Variants in SEMA3A observed in about 807,000 individuals in gnomAD.
The protein encoded by SEMA3A is semaphorin-3A.
SEMA3A carries 29 observed loss-of-function variants against 97.9 expected under a neutral mutation model. That is an observed-to-expected ratio of 0.30 (90% CI 0.22 to 0.40). The LOEUF (loss-of-function observed/expected upper bound fraction) is 0.40, where lower values mean the gene tolerates loss of function less well. Among genes scored for constraint, SEMA3A ranks in the 10% least tolerant of loss-of-function variants. The pLI is 1.00. For synonymous variants in SEMA3A, 321 were observed against 323.7 expected, an observed-to-expected ratio of 0.99 and a Z score of 0.09; for missense variants, 763 against 951.3, an observed-to-expected ratio of 0.80 and a Z score of 2.60.
At chr7:84,342,494 G>A (rs189989062) in intron 2 of SEMA3A, among the ~76,000 whole-genome samples, 33 of 152,106 alleles carry the variant, frequency 2.2e-4, no homozygotes, top group Middle Eastern at 3.4e-3. Flanking sequence ...AGGAATATAG[G>A]CCTTCTAATT....
At chr7:84,077,355 T>A (rs1377203722) in intron 4 of SEMA3A, among the ~76,000 whole-genome samples, 2 of 152,092 alleles carry the variant, frequency 1.3e-5, no homozygotes, top group Admixed American at 1.3e-4. Context: ...AAGCTATTAT[T>A]TTTTTACCAC....
At chr7:84,079,877 T>C (rs144694626) in intron 4 of SEMA3A, among the ~76,000 whole-genome samples, 52,326 of 137,474 alleles carry the variant, frequency 0.38, 11,967 homozygotes, top group African/African-American at 0.66. Flanking sequence ...GACTATAAAT[T>C]ATGCTGCTAT....
intron 1 of SEMA3A, among the ~76,000 whole-genome samples, chr7:84,421,672 T>C (rs1011906308): frequency 7.9e-5 from 12 of 152,096 alleles, no homozygotes; most frequent in African/African-American, 2.7e-4. Context: ...ATAGCTCTTA[T>C]TATTTTGAGA....
intron 1 of SEMA3A, among the ~76,000 whole-genome samples, chr7:84,138,598 C>T (rs894265612): frequency 2.6e-5 from 4 of 152,054 alleles, no homozygotes; most frequent in East Asian, 1.9e-4. Flanking sequence ...CAGTTTTAAA[C>T]TGTTACTTCT....
At chr7:84,473,024 A>G (rs1030263332) in intron 1 of SEMA3A, among the ~76,000 whole-genome samples, 1 of 152,158 alleles carries the variant, frequency 6.6e-6, no homozygotes, top group Non-Finnish European at 1.5e-5. Context: ...GGTCTAAATT[A>G]CAGCTCTGCC....
At chr7:84,015,162 G>A (rs1791046859) in intron 6 of SEMA3A, among the ~76,000 whole-genome samples, 1 of 151,986 alleles carries the variant, frequency 6.6e-6, no homozygotes, top group African/African-American at 2.4e-5. Context: ...ACAATTTATT[G>A]ATTAATCTCT....
chr7:84,455,221 A>T (rs1245143413), intron 1 of SEMA3A, among the ~76,000 whole-genome samples: 2 of 151,930 alleles, frequency 1.3e-5, no homozygotes, highest in African/African-American at 4.8e-5. Context: ...GGGGAGGAAT[A>T]GCTCTTTCTA....
chr7:84,483,817 G>T (rs1010445336), intron 1 of SEMA3A, among the ~76,000 whole-genome samples: 3 of 152,032 alleles, frequency 2.0e-5, no homozygotes, highest in Non-Finnish European at 2.9e-5. Context: ...GGCTGAGGTG[G>T]GCAGATCACC....
intron 1 of SEMA3A, among the ~76,000 whole-genome samples, chr7:84,136,948 A>G (rs931900371): frequency 6.8e-5 from 8 of 118,072 alleles, no homozygotes; most frequent in Admixed American, 1.8e-4. Context: ...GAGGGAGGGA[A>G]GGAGGGAGGG....
chr7:84,305,894 G>A (rs1801141489), intron 3 of SEMA3A, among the ~76,000 whole-genome samples: 1 of 151,402 alleles, frequency 6.6e-6, no homozygotes, highest in African/African-American at 2.4e-5. Flanking sequence ...GCCAAATAAT[G>A]AATATATACA....
At chr7:84,197,230 A>G, upstream of SEMA3A, among the ~76,000 whole-genome samples, 1 of 152,260 alleles carries the variant, frequency 6.6e-6, no homozygotes, top group Middle Eastern at 3.4e-3. Flanking sequence ...TTTATATTTG[A>G]TATTTTTCTT....
intron 1 of SEMA3A, among the ~76,000 whole-genome samples, chr7:84,374,165 A>G (rs1220635279): frequency 6.6e-6 from 1 of 152,218 alleles, no homozygotes; most frequent in Non-Finnish European, 1.5e-5. Context: ...CATGTCAATG[A>G]GAACAAAAGT....
chr7:84,035,126 T>C (rs138457410), intron 6 of SEMA3A, among the ~76,000 whole-genome samples: 2 of 152,172 alleles, frequency 1.3e-5, no homozygotes, highest in Non-Finnish European at 1.5e-5. Context: ...CTATAAGACA[T>C]GTTATACATA....
chr7:83,976,596 G>A (rs951870309), intron 15 of SEMA3A, among the ~76,000 whole-genome samples: 3 of 151,862 alleles, frequency 2.0e-5, no homozygotes, highest in African/African-American at 7.3e-5. Context: ...ATTTTAGGAA[G>A]CAAAAAATGA....
intron 3 of SEMA3A, among the ~76,000 whole-genome samples, chr7:84,225,939 T>C (rs1457481503): frequency 6.6e-6 from 1 of 152,122 alleles, no homozygotes; most frequent in African/African-American, 2.4e-5. Context: ...AGTTTAAACA[T>C]TATTATTTAT....
intron 1 of SEMA3A, among the ~76,000 whole-genome samples, chr7:84,460,503 T>C (rs1805804263): frequency 6.6e-6 from 1 of 152,308 alleles, no homozygotes; most frequent in South Asian, 2.1e-4. Context: ...TTCTACCATT[T>C]AGTCATGAAG....
intron 1 of SEMA3A, among the ~76,000 whole-genome samples, chr7:84,420,488 A>C (rs1804559127): frequency 1.3e-5 from 2 of 152,108 alleles, no homozygotes; most frequent in African/African-American, 2.4e-5. Context: ...AAGATAGGTC[A>C]ATTAAAATTA....
intron 1 of SEMA3A, among the ~76,000 whole-genome samples, chr7:84,460,108 C>T (rs1360723148): frequency 1.3e-5 from 2 of 152,158 alleles, no homozygotes; most frequent in African/African-American, 4.8e-5. Flanking sequence ...ATTTCATCAA[C>T]TCAGTCAATA....
chr7:84,290,737 A>G (rs1037131181), intron 3 of SEMA3A, among the ~76,000 whole-genome samples: 2 of 152,144 alleles, frequency 1.3e-5, no homozygotes, highest in Admixed American at 6.6e-5. Flanking sequence ...TTCATGTACT[A>G]AACTTCAAGT....
Sources: allele counts gnomAD v4.1 joint callset (sites outside exome capture counted in the v4.1 genomes callset), GRCh38; gene constraint gnomAD v4.1.1; transcripts MANE v1.5; gene names NCBI Gene and HGNC (gene_info 2026-07-23, HGNC 2026-07-21).